Variants in RBP2 observed in about 807,000 individuals in gnomAD.
The protein encoded by RBP2 is retinol-binding protein 2.
A neutral mutation model predicts 17.0 loss-of-function variants in RBP2; 17 were observed. That is an observed-to-expected ratio of 1.00 (90% confidence interval 0.68 to 1.50). The LOEUF is 1.50. Among genes scored for constraint, RBP2 ranks in the 40% most tolerant of loss-of-function variants. The pLI is 0.00. For synonymous variants in RBP2, 48 were observed against 57.1 expected (o/e 0.84, Z 0.72); for missense variants, 158 against 168.2 (o/e 0.94, Z 0.33).
intron 1 of RBP2, among the ~76,000 whole-genome samples, chr3:139,475,637 T>C (rs549960750): frequency 6.6e-6 from 1 of 152,272 alleles, no homozygotes; most frequent in African/African-American, 2.4e-5. Context: ...AGGGATGGAA[T>C]AAGGTCAGGC....
At chr3:139,474,276 G>T (rs1184819905) in intron 1 of RBP2, among the ~76,000 whole-genome samples, 1 of 152,182 alleles carries the variant, frequency 6.6e-6, no homozygotes, top group Non-Finnish European at 1.5e-5. Context: ...GAAGGCTGTT[G>T]TTAGAGGCAG....
intron 1 of RBP2, among the ~76,000 whole-genome samples, chr3:139,467,758 C>T (rs1933413921): frequency 6.6e-6 from 1 of 152,140 alleles, no homozygotes; most frequent in Non-Finnish European, 1.5e-5. Flanking sequence ...AGTTTTGGGT[C>T]ATATTTATGC....
intron 1 of RBP2, among the ~76,000 whole-genome samples, chr3:139,473,949 C>G (rs1304243476): frequency 6.6e-6 from 1 of 152,180 alleles, no homozygotes; most frequent in Non-Finnish European, 1.5e-5. Context: ...CCAACAGATT[C>G]CCACTCTGGG....
chr3:139,463,948 C>T (rs1192309048), intron 1 of RBP2, among the ~76,000 whole-genome samples: 2 of 152,160 alleles, frequency 1.3e-5, no homozygotes, highest in Admixed American at 1.3e-4. Flanking sequence ...CTGAGAACTG[C>T]AGTACCATCT....
rs955389788 is a variant in RBP2 at position 139,462,198 on chromosome 3, T to C, written c.166A>G (p.Ser56Gly). 6.2e-7 allele frequency: 1 copy of C among 1,614,176 alleles called. No individual in the cohort carries two copies. Among genetic ancestry groups the C allele is most frequent in the South Asian group, 1.1e-5 (1 of 91,082 alleles). The change falls in exon 2 of 4, where the codon AGC becomes GGC. Residue 56 changes from serine (S) to glycine (G), a missense_variant. Transcript: ENST00000232217. The stretch of plus-strand genomic sequence containing the variant: ...TCCACATCATAGTTGCGGAATGTGC[T>C]AGTGGTTTTTGTCTTGAAGTTATCA... ...DGDNFKTKTTSTFRNYDVDFT... is the reference protein window; with the variant it reads ...DGDNFKTKTTGTFRNYDVDFT...
At chr3:139,464,048 G>A (rs1317751248) in intron 1 of RBP2, among the ~76,000 whole-genome samples, 4 of 152,210 alleles carry the variant, frequency 2.6e-5, no homozygotes, top group African/African-American at 9.6e-5. Context: ...AGAGCAGCAG[G>A]TAGCTCAGGA....
intron 2 of RBP2, among the ~76,000 whole-genome samples, chr3:139,457,843 C>G (rs962055311): frequency 2.0e-5 from 3 of 152,130 alleles, no homozygotes; most frequent in African/African-American, 7.2e-5. Flanking sequence ...TTGAAGAAAC[C>G]TGGGCTCCCA....
intron 1 of RBP2, among the ~76,000 whole-genome samples, chr3:139,474,955 C>G (rs1000386666): frequency 2.0e-5 from 3 of 151,984 alleles, no homozygotes; most frequent in Non-Finnish European, 4.4e-5. Flanking sequence ...TTCCTCCTCC[C>G]AACTATATTG....
At chr3:139,470,929 C>T (rs1211178243) in intron 1 of RBP2, among the ~76,000 whole-genome samples, 2 of 151,958 alleles carry the variant, frequency 1.3e-5, no homozygotes, top group African/African-American at 2.4e-5. Context: ...CTTGCTGTCC[C>T]CTGTGTCCAG....
Position 139,460,727 on chromosome 3 carries a change from T to C in RBP2, c.252+1385A>G, listed in dbSNP as rs144021144. Among the ~76,000 whole-genome samples the C allele has an allele frequency of 4.4e-3, 675 of 152,192 alleles. 7 individuals carry two copies. The highest frequency in any genetic ancestry group is 0.016 in the African/African-American group (657 of 41,512). On this transcript the variant is annotated intron_variant, in intron 2 of 3. Coordinates refer to ENST00000232217, the MANE Select transcript of RBP2 (RefSeq NM_004164.3). ...GCAGGGCAGAGGGTGTTGCTTGCTT[T>C]GTTGTGGCACTTGAAGGGCTGGCCC...
At chr3:139,458,976 GA>G (rs1185617725) in intron 2 of RBP2, among the ~76,000 whole-genome samples, 1 of 152,178 alleles carries the variant, frequency 6.6e-6, no homozygotes, top group African/African-American at 2.4e-5. Flanking sequence ...GGGAGTCCCT[GA>G]CTCCTCAGAG....
At chr3:139,457,722 G>GC (rs34235797) in intron 2 of RBP2, among the ~76,000 whole-genome samples, 41,780 of 152,012 alleles carry the variant, frequency 0.27, 7,135 homozygotes, top group East Asian at 0.86. Context: ...AGGCTCAATT[G>GC]CTTAAAAGAT....
chr3:139,476,011 G>A (rs146830523), intron 1 of RBP2, among the ~76,000 whole-genome samples: 1 of 152,248 alleles, frequency 6.6e-6, no homozygotes, highest in East Asian at 1.9e-4. Flanking sequence ...GTCATTGGTG[G>A]ATAATATCAG....
At chr3:139,463,840 A>C (rs1933273756) in intron 1 of RBP2, among the ~76,000 whole-genome samples, 1 of 152,234 alleles carries the variant, frequency 6.6e-6, no homozygotes, top group Admixed American at 6.5e-5. Context: ...AAATCCACTG[A>C]GAAGGTTTTA....
intron 1 of RBP2, among the ~76,000 whole-genome samples, chr3:139,475,329 A>T (rs1576430113): frequency 6.7e-6 from 1 of 149,638 alleles, no homozygotes; most frequent in Non-Finnish European, 1.5e-5. Context: ...CAAAATAAAA[A>T]AAAAAAAAAA....
chr3:139,468,234 G>A (rs1933428915), intron 1 of RBP2, among the ~76,000 whole-genome samples: 1 of 152,194 alleles, frequency 6.6e-6, no homozygotes, highest in African/African-American at 2.4e-5. Flanking sequence ...TGAGCTCAGA[G>A]CTACCCAGTT....
intron 1 of RBP2, among the ~76,000 whole-genome samples, chr3:139,467,662 C>T (rs1414814804): frequency 6.6e-6 from 1 of 152,162 alleles, no homozygotes; most frequent in African/African-American, 2.4e-5. Context: ...AGTAGCTTGT[C>T]CATATGCAGT....
chr3:139,466,743 C>G (rs752783882), intron 1 of RBP2: 22 of 152,232 alleles, frequency 1.4e-4, no homozygotes, highest in Non-Finnish European at 3.1e-4. Context: ...GATCATGGCT[C>G]TGTAAATGGA....
chr3:139,454,657 A>G (rs1250637534), intron 3 of RBP2, 72 bp downstream of exon 3: 2 of 1,466,532 alleles, frequency 1.4e-6, no homozygotes, highest in East Asian at 2.3e-5. Flanking sequence ...TCTTGTCAAA[A>G]CACCTGGCTA....
Sources: allele counts gnomAD v4.1 joint callset (sites outside exome capture counted in the v4.1 genomes callset), GRCh38; gene constraint gnomAD v4.1.1; transcripts MANE v1.5; gene names NCBI Gene and HGNC (gene_info 2026-07-23, HGNC 2026-07-21).